The following RABGAP1L variants were observed in gnomAD, a reference collection of about 807,000 sequenced individuals.
RABGAP1L encodes RAB GTPase activating protein 1 like.
RABGAP1L carries 63 observed loss-of-function variants against 137.7 expected under a neutral mutation model. The observed-to-expected ratio is 0.46, with a 90% CI of 0.37 to 0.56. The LOEUF (loss-of-function observed/expected upper bound fraction) is 0.56. Among genes scored for constraint, RABGAP1L ranks in the 20% least tolerant of loss-of-function variants. The pLI is 0.00. For synonymous variants in RABGAP1L, 431 were observed against 433.7 expected (o/e 0.99, Z 0.08); for missense variants, 1,095 against 1,244.0 (o/e 0.88, Z 1.80).
chr1:174,169,010 C>G (rs1466673882), intron 1 of RABGAP1L, among the ~76,000 whole-genome samples: 1 of 152,190 alleles, frequency 6.6e-6, no homozygotes, highest in East Asian at 1.9e-4. Flanking sequence ...TTAGCTGTCA[C>G]ATATAAGTGA....
intron 19 of RABGAP1L, among the ~76,000 whole-genome samples, chr1:174,914,140 G>A (rs145741092): frequency 0.015 from 2,301 of 152,250 alleles, 170 homozygotes; most frequent in Admixed American, 0.13. Context: ...TTTCTAAACT[G>A]TGATTGCATT....
chr1:174,863,672 TAA>T (rs762683129), intron 19 of RABGAP1L, among the ~76,000 whole-genome samples: 8 of 119,862 alleles, frequency 6.7e-5, no homozygotes, highest in African/African-American at 9.4e-5. Flanking sequence ...GACTCCGTCT[TAA>T]AAAAAAAAAA....
At chr1:174,869,198 A>AT (rs763651914) in intron 19 of RABGAP1L, among the ~76,000 whole-genome samples, 10 of 151,838 alleles carry the variant, frequency 6.6e-5, no homozygotes, top group Non-Finnish European at 1.3e-4. Context: ...CATTGTTACT[A>AT]TTTTCTCGTT....
chr1:174,958,051 C>T (rs1297726839), intron 20 of RABGAP1L: 6 of 1,527,592 alleles, frequency 3.9e-6, no homozygotes, highest in African/African-American at 1.4e-5. Flanking sequence ...ATGTCATATC[C>T]ACAAAGACTT....
chr1:174,542,452 T>A (rs1363310990), intron 13 of RABGAP1L, among the ~76,000 whole-genome samples: 1 of 152,210 alleles, frequency 6.6e-6, no homozygotes. Context: ...CCCTTTATCA[T>A]TTTTTATTGC....
At chr1:174,518,100 G>T (rs1184262963) in intron 13 of RABGAP1L, among the ~76,000 whole-genome samples, 1 of 152,116 alleles carries the variant, frequency 6.6e-6, no homozygotes, top group Non-Finnish European at 1.5e-5. Context: ...ACAAAAATGC[G>T]CATTAAAAAA....
At position 174,906,183 on chromosome 1, in the gene RABGAP1L, A is replaced by G. The variant is rs181917995; in HGVS notation, c.2341-51274A>G. On this transcript the variant is annotated intron_variant, in intron 19 of 25. Transcript: ENST00000681986. ...TAGGCATGTGCCAACTCGCCTGGCT[A>G]ATTTTTTTATTTTTTGGTAGAGACG... 4.1e-3 allele frequency among the ~76,000 whole-genome samples: 627 copies of G among 152,164 alleles called. 4 individuals carry two copies. Among genetic ancestry groups the G allele is most frequent in the Non-Finnish European group, 3.6e-3 (243 of 68,004 alleles).
chr1:174,439,685 A>C (rs944886474), intron 13 of RABGAP1L, among the ~76,000 whole-genome samples: 7 of 152,144 alleles, frequency 4.6e-5, no homozygotes, highest in Non-Finnish European at 1.0e-4. Flanking sequence ...TTTCTTGTGA[A>C]GTTTGTGTAT....
At chr1:174,176,737 A>ATAAAATAAAAT (rs1271843194) in intron 1 of RABGAP1L, among the ~76,000 whole-genome samples, 1 of 132,796 alleles carries the variant, frequency 7.5e-6, no homozygotes, top group Non-Finnish European at 1.6e-5. Flanking sequence ...AAAAAAAAAA[A>ATAAAATAAAAT]AAAAAAAAAG....
intron 1 of RABGAP1L, among the ~76,000 whole-genome samples, chr1:174,161,000 G>A (rs1369183721): frequency 2.6e-5 from 4 of 152,136 alleles, no homozygotes; most frequent in African/African-American, 9.7e-5. Flanking sequence ...TTTCTAAGGA[G>A]AAAGACTAGT....
At chr1:174,328,009 A>ATATATATATATATATT (rs1558136471) in intron 11 of RABGAP1L, among the ~76,000 whole-genome samples, 1 of 128,894 alleles carries the variant, frequency 7.8e-6, no homozygotes, top group African/African-American at 3.5e-5. Flanking sequence ...ATATATATAT[A>ATATATATATATATATT]TATATATATA....
intron 13 of RABGAP1L, among the ~76,000 whole-genome samples, chr1:174,516,120 T>TACACACACACACACACACAC (rs61414923): frequency 5.3e-5 from 7 of 133,302 alleles, no homozygotes; most frequent in Admixed American, 2.3e-4. Context: ...ACTGAAGCTC[T>TACACACACACACACACACAC]ACACACACAC....
intron 10 of RABGAP1L, among the ~76,000 whole-genome samples, chr1:174,291,842 G>A (rs1676638152): frequency 6.6e-6 from 1 of 151,264 alleles, no homozygotes; most frequent in South Asian, 2.1e-4. Context: ...ATCAGTCTAG[G>A]TAGAAGTCTG....
chr1:174,425,456 G>C (rs1651841387), intron 13 of RABGAP1L, among the ~76,000 whole-genome samples: 1 of 151,978 alleles, frequency 6.6e-6, no homozygotes. Context: ...ACTTTCCTCT[G>C]TTATTTCCAG....
intron 13 of RABGAP1L, among the ~76,000 whole-genome samples, chr1:174,420,559 T>C (rs756170745): frequency 9.9e-5 from 15 of 152,178 alleles, no homozygotes; most frequent in Non-Finnish European, 1.6e-4. Flanking sequence ...TTAAGACATC[T>C]CTAGTATTAT....
In RABGAP1L at chr1:174,756,989, A is replaced by T. The variant is rs1043963398; in HGVS notation, c.2211+4635A>T. On this transcript the variant is annotated intron_variant, in intron 18 of 25. Coordinates refer to ENST00000681986, the MANE Select transcript of RABGAP1L (RefSeq NM_001366446.1). ...TAGCACCAGAAACTGGCCAAGGACA[A>T]CATAGGCCTTGTCAAAGCACCCTTC... 24 of 926,104 alleles carry T rather than the reference A, an allele frequency of 2.6e-5. No homozygotes were observed. In the Admixed American group the frequency reaches 2.6e-4, roughly 10 times the overall value. 57.4% of individuals were successfully genotyped at this position (926,104 alleles called of 1,614,324 possible).
At chr1:174,561,627 A>T (rs562704071) in intron 13 of RABGAP1L, among the ~76,000 whole-genome samples, 1 of 152,368 alleles carries the variant, frequency 6.6e-6, no homozygotes, top group South Asian at 2.1e-4. Context: ...GGCTACAGTA[A>T]CGAAAACAGC....
chr1:174,200,179 T>A (rs1399303951), intron 1 of RABGAP1L, among the ~76,000 whole-genome samples: 2 of 152,336 alleles, frequency 1.3e-5, no homozygotes, highest in East Asian at 3.9e-4. Flanking sequence ...GGGAGGCACA[T>A]CTCATATGTG....
chr1:174,958,108 T>C, intron 20 of RABGAP1L: 1 of 1,508,822 alleles, frequency 6.6e-7, no homozygotes, highest in Non-Finnish European at 8.9e-7. Context: ...GTTTCAAACT[T>C]GCCTCTGTCT....
Sources: gnomAD v4.1 joint callset for allele counts (sites outside exome capture counted in the v4.1 genomes callset) on GRCh38, gnomAD v4.1.1 for gene constraint, MANE v1.5 for transcripts, NCBI Gene and HGNC (gene_info 2026-07-23, HGNC 2026-07-21) for gene names.